Variants in KCNH7 observed in about 807,000 individuals in gnomAD.
KCNH7 encodes voltage-gated inwardly rectifying potassium channel KCNH7.
KCNH7 carries 49 observed loss-of-function variants against 120.8 expected under a neutral mutation model. That is an observed-to-expected ratio of 0.41 (90% CI 0.32 to 0.51). The LOEUF (loss-of-function observed/expected upper bound fraction) is 0.51, where lower values mean the gene tolerates loss of function less well. KCNH7 is among the 20% of genes least tolerant of loss of function. KCNH7 has a pLI of 0.38. For missense variants in KCNH7, 1,097 were observed against 1,446.6 expected (o/e 0.76, Z 3.92); for synonymous variants, 547 against 516.1 (o/e 1.06, Z -0.81).
chr2:162,507,011 A>G (rs1690904522), intron 5 of KCNH7, among the ~76,000 whole-genome samples: 1 of 151,924 alleles, frequency 6.6e-6, no homozygotes, highest in African/African-American at 2.4e-5. Flanking sequence ...ACTGTTTCAC[A>G]TATAAACACC....
intron 2 of KCNH7, among the ~76,000 whole-genome samples, chr2:162,603,335 G>T (rs1454104039): frequency 6.6e-6 from 1 of 152,004 alleles, no homozygotes; most frequent in Admixed American, 6.6e-5. Flanking sequence ...TCTGTTTTCT[G>T]TGAGGGTATT....
At chr2:162,469,769 C>T (rs921215252) in intron 6 of KCNH7, among the ~76,000 whole-genome samples, 1 of 151,926 alleles carries the variant, frequency 6.6e-6, no homozygotes, top group African/African-American at 2.4e-5. Context: ...TGAAGCTGGA[C>T]TGTGCTGCCG....
chr2:162,473,134 T>C (rs928623958), intron 6 of KCNH7, among the ~76,000 whole-genome samples: 28 of 152,082 alleles, frequency 1.8e-4, no homozygotes, highest in African/African-American at 6.3e-4. Context: ...GATGAGTTAA[T>C]GGGTGCAGCA....
intron 8 of KCNH7, among the ~76,000 whole-genome samples, chr2:162,432,631 C>T (rs530926167): frequency 5.9e-5 from 9 of 152,032 alleles, no homozygotes; most frequent in East Asian, 3.9e-4. Flanking sequence ...TGATTAAAAA[C>T]GCTCAACAAA....
At chr2:162,664,334 T>C (rs755622159) in intron 2 of KCNH7, among the ~76,000 whole-genome samples, 4 of 152,126 alleles carry the variant, frequency 2.6e-5, no homozygotes, top group Non-Finnish European at 5.9e-5. Flanking sequence ...GTGTTAGCAA[T>C]TTCTTCCCAA....
intron 2 of KCNH7, among the ~76,000 whole-genome samples, chr2:162,627,191 T>C (rs1252532773): frequency 1.3e-5 from 2 of 152,134 alleles, no homozygotes; most frequent in African/African-American, 2.4e-5. Flanking sequence ...AAGAGTGCAC[T>C]GCATGCTAGA....
intron 3 of KCNH7, among the ~76,000 whole-genome samples, chr2:162,525,877 C>T (rs1046507147): frequency 5.9e-5 from 9 of 151,846 alleles, no homozygotes; most frequent in Non-Finnish European, 1.5e-5. Context: ...CACATGGGGG[C>T]TCTCTGGTGT....
intron 2 of KCNH7, among the ~76,000 whole-genome samples, chr2:162,693,475 G>C (rs1401226040): frequency 6.6e-6 from 1 of 152,170 alleles, no homozygotes; most frequent in African/African-American, 2.4e-5. Flanking sequence ...CATAAGTTGG[G>C]AAGTATTAAA....
intron 2 of KCNH7, among the ~76,000 whole-genome samples, chr2:162,743,431 T>C (rs1021101651): frequency 2.6e-5 from 4 of 152,118 alleles, no homozygotes; most frequent in African/African-American, 9.7e-5. Flanking sequence ...AACCAGAGGC[T>C]ATTTTCAAAG....
chr2:162,711,615 C>T (rs745745241), intron 2 of KCNH7, among the ~76,000 whole-genome samples: 2 of 152,148 alleles, frequency 1.3e-5, no homozygotes, highest in South Asian at 2.1e-4. Context: ...CCTTGGAGGA[C>T]GTTTTCCTAA....
intron 2 of KCNH7, among the ~76,000 whole-genome samples, chr2:162,612,688 C>T (rs1196833365): frequency 6.6e-6 from 1 of 151,744 alleles, no homozygotes; most frequent in East Asian, 1.9e-4. Flanking sequence ...AAATTAGATC[C>T]ACATGAATAC....
chr2:162,629,558 G>A (rs1345759819), intron 2 of KCNH7, among the ~76,000 whole-genome samples: 1 of 152,066 alleles, frequency 6.6e-6, no homozygotes, highest in Non-Finnish European at 1.5e-5. Context: ...CTCTGCCCAG[G>A]TCCAGCAGCA....
intron 2 of KCNH7, among the ~76,000 whole-genome samples, chr2:162,741,240 A>G (rs1246012748): frequency 1.3e-5 from 2 of 149,392 alleles, no homozygotes; most frequent in Non-Finnish European, 3.0e-5. Flanking sequence ...CATATTAATA[A>G]CATATGTTAT....
At chr2:162,509,769 G>A (rs1691004371) in intron 5 of KCNH7, among the ~76,000 whole-genome samples, 1 of 151,484 alleles carries the variant, frequency 6.6e-6, no homozygotes, top group Non-Finnish European at 1.5e-5. Flanking sequence ...TTTCATTTAT[G>A]AGTCATATAG....
intron 9 of KCNH7, among the ~76,000 whole-genome samples, chr2:162,418,712 G>A (rs191900351): frequency 1.6e-3 from 250 of 152,252 alleles, no homozygotes; most frequent in Admixed American, 4.8e-3. Flanking sequence ...GTTAATAGTG[G>A]AGACTGCTCT....
At chr2:162,607,907 A>G (rs532173699) in intron 2 of KCNH7, among the ~76,000 whole-genome samples, 16 of 152,312 alleles carry the variant, frequency 1.1e-4, no homozygotes, top group African/African-American at 3.6e-4. Flanking sequence ...AGCTAGCTTG[A>G]AGATACAAAT....
chr2:162,736,852 A>G (rs1438000315), intron 2 of KCNH7, among the ~76,000 whole-genome samples: 1 of 152,172 alleles, frequency 6.6e-6, no homozygotes, highest in Non-Finnish European at 1.5e-5. Flanking sequence ...GTTCTGCACA[A>G]TGACTAGCAA....
At chr2:162,437,495 T>G (rs1023097458) in intron 7 of KCNH7, among the ~76,000 whole-genome samples, 3 of 152,202 alleles carry the variant, frequency 2.0e-5, no homozygotes, top group Non-Finnish European at 4.4e-5. Flanking sequence ...TTCTAATATA[T>G]GTATTATCAA....
At chr2:162,755,855 T>C (rs986198740) in intron 2 of KCNH7, among the ~76,000 whole-genome samples, 2 of 152,168 alleles carry the variant, frequency 1.3e-5, no homozygotes, top group Non-Finnish European at 2.9e-5. Flanking sequence ...TACATCTAAA[T>C]TAAAATGAGG....
Sources: gnomAD v4.1 joint callset for allele counts (sites outside exome capture counted in the v4.1 genomes callset) on GRCh38, gnomAD v4.1.1 for gene constraint, MANE v1.5 for transcripts, NCBI Gene and HGNC (gene_info 2026-07-23, HGNC 2026-07-21) for gene names.